ODF2L: variants seen among roughly 807,000 people sequenced by gnomAD.
ODF2L encodes outer dense fiber of sperm tails 2 like.
In ODF2L, 76 loss-of-function variants were observed where a neutral mutation model predicts 86.3. That is an observed-to-expected ratio of 0.88 (90% confidence interval 0.73 to 1.07). The LOEUF (loss-of-function observed/expected upper bound fraction) is 1.07. Ranked by LOEUF, ODF2L falls within the 50% of genes least tolerant of loss-of-function variation. The pLI is 0.00. For missense variants in ODF2L, 748 were observed against 717.4 expected (o/e 1.04, Z -0.49); for synonymous variants, 241 against 231.3 (o/e 1.04, Z -0.38).
intron 8 of ODF2L, chr1:86,375,115 T>C (rs1660076454): frequency 6.6e-6 from 1 of 151,912 alleles, no homozygotes; most frequent in Non-Finnish European, 1.5e-5. Context: ...TCAAAAGAAA[T>C]GGTCAAGAAA....
At chr1:86,357,708 C>T (rs1658695116) in intron 13 of ODF2L, 1 of 966,854 alleles carries the variant, frequency 1.0e-6, no homozygotes, top group Non-Finnish European at 1.2e-6. Flanking sequence ...CATGAGAAAA[C>T]CAGGAGACTT....
chr1:86,346,924 ATGTCTGCCACTTACTAGC>A (rs1211401510), downstream of ODF2L: 1 of 152,234 alleles, frequency 6.6e-6, no homozygotes, highest in Non-Finnish European at 1.5e-5. Context: ...GAGACTCTGG[ATGTCTGCCACTTACTAGC>A]TGTGCGACCT....
chr1:86,362,145 G>T (rs925145438), intron 11 of ODF2L, among the ~76,000 whole-genome samples: 4 of 151,978 alleles, frequency 2.6e-5, no homozygotes, highest in Admixed American at 2.0e-4. Context: ...GGGAAGAGTG[G>T]AAGGAGATGA....
At chr1:86,386,752 T>C (rs1660982151) in intron 2 of ODF2L, 163 bp downstream of exon 2, 3 of 446,136 alleles carry the variant, frequency 6.7e-6, no homozygotes, top group East Asian at 6.9e-5. Context: ...GCTAGATGAG[T>C]ACACTTGTAA....
At chr1:86,382,904 A>G in intron 6 of ODF2L, 27 bp downstream of exon 6, 1 of 1,181,640 alleles carries the variant, frequency 8.5e-7, no homozygotes, top group South Asian at 1.3e-5. Context: ...ATAATGAATT[A>G]AGCTCAAAAG....
At chr1:86,357,146 T>C (rs1002301843) in intron 13 of ODF2L, among the ~76,000 whole-genome samples, 2 of 152,148 alleles carry the variant, frequency 1.3e-5, no homozygotes, top group African/African-American at 4.8e-5. Context: ...TATCAACAAA[T>C]CTCTCTAATT....
Position 86,376,317 on chromosome 1 carries a change from T to TA in ODF2L, c.725dup (p.Leu242PhefsTer6). On this transcript the variant is annotated frameshift_variant, in exon 8 of 18. Transcript: ENST00000317336. LOFTEE classifies it high-confidence loss of function. The stretch of plus-strand genomic sequence containing the variant: ...GTTTGTAAACTTTAGATGCCTTTTT[T>TA]AAAGCTACAGTTTTTTGCCTACTTG... 1 of 1,612,660 alleles carries TA rather than the reference T, an allele frequency of 6.2e-7. No homozygotes were observed. The highest frequency in any genetic ancestry group is 8.5e-7 in the Non-Finnish European group (1 of 1,178,870).
chr1:86,357,803 C>T (rs185775218), intron 13 of ODF2L: 12 of 984,262 alleles, frequency 1.2e-5, no homozygotes, highest in Non-Finnish European at 1.3e-5. Context: ...TGTGACCTCA[C>T]AGTATCTGAA....
chr1:86,370,446 TTCTG>T (rs1431505423), intron 10 of ODF2L, among the ~76,000 whole-genome samples: 1 of 152,162 alleles, frequency 6.6e-6, no homozygotes, highest in East Asian at 1.9e-4. Context: ...AAAGGTTCTT[TTCTG>T]TCTTCTATTT....
chr1:86,363,137 G>A (rs976629920), intron 11 of ODF2L, among the ~76,000 whole-genome samples: 1 of 152,128 alleles, frequency 6.6e-6, no homozygotes, highest in Non-Finnish European at 1.5e-5. Flanking sequence ...TACTTGAGGT[G>A]GATTTGATGA....
exon 7 of ODF2L, chr1:86,382,266 G>C: frequency 6.2e-7 from 1 of 1,610,232 alleles, no homozygotes; most frequent in Non-Finnish European, 8.5e-7. Context: ...TCAACTTATC[G>C]TTCTCGGCTT....
chr1:86,361,235 A>G (rs1382454470), intron 11 of ODF2L, among the ~76,000 whole-genome samples: 2 of 152,204 alleles, frequency 1.3e-5, no homozygotes, highest in South Asian at 2.1e-4. Flanking sequence ...ACTCACAGCA[A>G]TAAGAGTAGC....
chr1:86,355,449 T>A, intron 14 of ODF2L: 1 of 822,640 alleles, frequency 1.2e-6, no homozygotes, highest in Non-Finnish European at 2.0e-6. Flanking sequence ...TTTCAATTAG[T>A]AATTTAGGCT....
At chr1:86,353,640 C>A (rs1031698187) in intron 16 of ODF2L, among the ~76,000 whole-genome samples, 4 of 152,116 alleles carry the variant, frequency 2.6e-5, no homozygotes, top group Admixed American at 2.6e-4. Flanking sequence ...GATCCAGGAA[C>A]AAGGAGCTAG....
exon 1 of ODF2L, chr1:86,396,091 A>T (rs1363909488): frequency 2.6e-5 from 4 of 152,408 alleles, no homozygotes; most frequent in African/African-American, 7.2e-5. Context: ...CCGCGATATA[A>T]AAAAAGGGTC....
chr1:86,393,384 G>GA lies in ODF2L; in HGVS notation c.-60+2648dup, dbSNP rs71741271. Reference sequence around the variant, plus strand: ...ACGTTTACTAGAGAGGTAATTGTATGAAAAAAAAAAAAAGGATAGGAATCT... The same window carrying GA: ...ACGTTTACTAGAGAGGTAATTGTATGAAAAAAAAAAAAAAGGATAGGAATCT... On this transcript the variant is annotated intron_variant, in intron 1 of 17. Coordinates refer to ENST00000317336, the Ensembl canonical transcript of ODF2L. Among the ~76,000 whole-genome samples, 629 of 140,460 alleles carry GA rather than the reference G, an allele frequency of 4.5e-3. 3 individuals are homozygous for GA. The highest frequency in any genetic ancestry group is 0.015 in the Middle Eastern group (4 of 270). The allele number at this position is 140,460 out of a possible 152,430, so 92.1% of individuals were successfully genotyped here.
chr1:86,384,588 T>C (rs971195732), intron 4 of ODF2L, 88 bp downstream of exon 4: 18 of 846,814 alleles, frequency 2.1e-5, no homozygotes, highest in Non-Finnish European at 2.8e-5. Context: ...ATTTCAAATA[T>C]ACCAATAATT....
chr1:86,370,609 G>T (rs1393968484), intron 10 of ODF2L, among the ~76,000 whole-genome samples: 1 of 151,898 alleles, frequency 6.6e-6, no homozygotes, highest in Admixed American at 6.6e-5. Flanking sequence ...CTCTCCTCTG[G>T]TACCTATGGA....
chr1:86,382,546 C>T (rs1042317629), intron 6 of ODF2L, among the ~76,000 whole-genome samples, 188 bp from the exon 7 acceptor site: 7 of 151,894 alleles, frequency 4.6e-5, no homozygotes, highest in Non-Finnish European at 8.8e-5. Flanking sequence ...AAGTTTTATC[C>T]CCCAACATTT....
Sources: allele counts gnomAD v4.1 joint callset (sites outside exome capture counted in the v4.1 genomes callset), GRCh38; gene constraint gnomAD v4.1.1; transcripts MANE v1.5; gene names NCBI Gene and HGNC (gene_info 2026-07-23, HGNC 2026-07-21).